Variants in SP3 observed in about 807,000 individuals in gnomAD.
The protein encoded by SP3 is transcription factor Sp3.
A neutral mutation model predicts 70.3 loss-of-function variants in SP3; 10 were observed. That is an observed-to-expected ratio of 0.14 (90% CI 0.09 to 0.24). SP3 has a LOEUF of 0.24. Ranked by LOEUF, SP3 falls within the 10% of genes least tolerant of loss-of-function variation. SP3 has a pLI of 1.00. For synonymous variants in SP3, 402 were observed against 333.5 expected, an observed-to-expected ratio of 1.21 and a Z score of -2.24; for missense variants, 825 against 914.6, an observed-to-expected ratio of 0.90 and a Z score of 1.26.
chr2:173,916,179 T>A (rs1184356669), intron 5 of SP3: 1 of 152,070 alleles, frequency 6.6e-6, no homozygotes, highest in Non-Finnish European at 1.5e-5. Flanking sequence ...TAGTTTCTTT[T>A]CTTAGGAATC....
At chr2:173,945,855 G>T (rs1690520724) in intron 4 of SP3, among the ~76,000 whole-genome samples, 1 of 152,138 alleles carries the variant, frequency 6.6e-6, no homozygotes, top group African/African-American at 2.4e-5. Flanking sequence ...CGTCAGGCCT[G>T]GTGGCTCATG....
intron 4 of SP3, among the ~76,000 whole-genome samples, chr2:173,921,703 A>G (rs1189791815): frequency 2.0e-5 from 3 of 152,182 alleles, no homozygotes; most frequent in African/African-American, 7.2e-5. Context: ...GCAACAAAGA[A>G]AGACCCTGAC....
intron 4 of SP3, among the ~76,000 whole-genome samples, chr2:173,931,449 T>G (rs1489367612): frequency 6.6e-6 from 1 of 152,180 alleles, no homozygotes; most frequent in African/African-American, 2.4e-5. Flanking sequence ...GTTCAAGCGA[T>G]TCTTCTGCCT....
intron 4 of SP3, among the ~76,000 whole-genome samples, chr2:173,932,255 G>A (rs1178264061): frequency 6.6e-6 from 1 of 152,138 alleles, no homozygotes; most frequent in Non-Finnish European, 1.5e-5. Context: ...ACAATGGCGT[G>A]ATCTCAGCTC....
At chr2:173,917,389 A>G (rs1256415085) in intron 5 of SP3, among the ~76,000 whole-genome samples, 3 of 152,152 alleles carry the variant, frequency 2.0e-5, no homozygotes, top group Admixed American at 6.6e-5. Context: ...GGGAGGCAGT[A>G]TAGTTTAATG....
intron 4 of SP3, among the ~76,000 whole-genome samples, chr2:173,938,314 G>A (rs1472840665): frequency 2.6e-5 from 4 of 151,756 alleles, no homozygotes; most frequent in African/African-American, 4.8e-5. Flanking sequence ...AAAATTAGCC[G>A]GGCGTGGTGG....
intron 4 of SP3, among the ~76,000 whole-genome samples, chr2:173,934,231 G>C (rs1388935790): frequency 2.0e-5 from 3 of 149,212 alleles, no homozygotes; most frequent in Non-Finnish European, 3.0e-5. Context: ...GAGAGAACTT[G>C]TCTCTAAAAA....
At chr2:173,954,566 G>A (rs974749683) in intron 4 of SP3, among the ~76,000 whole-genome samples, 1 of 152,030 alleles carries the variant, frequency 6.6e-6, no homozygotes, top group Non-Finnish European at 1.5e-5. Flanking sequence ...CACCCTACCT[G>A]CCAAATAAAA....
chr2:173,940,099 C>A (rs1690322971), intron 4 of SP3, among the ~76,000 whole-genome samples: 1 of 152,030 alleles, frequency 6.6e-6, no homozygotes, highest in Non-Finnish European at 1.5e-5. Flanking sequence ...CTGGTTTCAA[C>A]TTCCTGGCTT....
chr2:173,965,480 C>T, upstream of SP3: 2 of 337,186 alleles, frequency 5.9e-6, no homozygotes, highest in South Asian at 1.0e-4. Flanking sequence ...TGCCAGGCGG[C>T]GCGCTTCCTG....
intron 5 of SP3, chr2:173,913,715 A>G (rs1246613025): frequency 6.6e-6 from 1 of 152,336 alleles, no homozygotes; most frequent in African/African-American, 2.4e-5. Context: ...GATCACAGGT[A>G]CAATTAAAAG....
At chr2:173,945,189 G>GT (rs1464815528) in intron 4 of SP3, among the ~76,000 whole-genome samples, 21 of 152,132 alleles carry the variant, frequency 1.4e-4, no homozygotes, top group Admixed American at 2.6e-4. Context: ...AAACCAAAGT[G>GT]TGACCAAAAC....
chr2:173,914,057 T>C (rs1185968527), intron 5 of SP3: 2 of 152,258 alleles, frequency 1.3e-5, no homozygotes, highest in East Asian at 1.9e-4. Context: ...TGAGATTAGA[T>C]GGGTGAACAG....
At chr2:173,916,685 T>C (rs1264063079) in intron 5 of SP3, 4 of 152,182 alleles carry the variant, frequency 2.6e-5, no homozygotes, top group East Asian at 3.9e-4. Flanking sequence ...TGTGGGAAAC[T>C]AGATACTCTC....
intron 1 of SP3, 42 bp downstream of exon 1, chr2:173,965,123 G>GGCGGCGGCA (rs1691252578): frequency 6.5e-7 from 1 of 1,547,062 alleles, no homozygotes; most frequent in Non-Finnish European, 8.7e-7. Flanking sequence ...CGGCAGCGGC[G>GGCGGCGGCA]GCGGCGGCAG....
chr2:173,934,713 T>TAA (rs796444342), intron 4 of SP3, among the ~76,000 whole-genome samples: 1 of 146,586 alleles, frequency 6.8e-6, no homozygotes, highest in Non-Finnish European at 1.5e-5. Flanking sequence ...ACATAAAAAG[T>TAA]AAAAAAAAAA....
At chr2:173,924,927 G>A (rs754119577) in intron 4 of SP3, among the ~76,000 whole-genome samples, 34 of 152,164 alleles carry the variant, frequency 2.2e-4, no homozygotes, top group Non-Finnish European at 4.7e-4. Flanking sequence ...GTGTCACATC[G>A]CCCAGGCTGG....
chr2:173,947,322 C>G (rs900864128), intron 4 of SP3, among the ~76,000 whole-genome samples: 3 of 152,130 alleles, frequency 2.0e-5, no homozygotes, highest in Admixed American at 1.3e-4. Flanking sequence ...TTCATTATCT[C>G]TGTGTGGTAT....
At chr2:173,959,064 A>G (rs1690980685) in intron 3 of SP3, among the ~76,000 whole-genome samples, 1 of 152,168 alleles carries the variant, frequency 6.6e-6, no homozygotes, top group Non-Finnish European at 1.5e-5. Flanking sequence ...ACTGAATGAA[A>G]AGTTATTTTA....
Sources: allele counts gnomAD v4.1 joint callset (sites outside exome capture counted in the v4.1 genomes callset), GRCh38; gene constraint gnomAD v4.1.1; transcripts MANE v1.5; gene names NCBI Gene and HGNC (gene_info 2026-07-23, HGNC 2026-07-21).